Variants in SLCO1B3 observed in about 807,000 individuals in gnomAD.
SLCO1B3 encodes liver-specific organic anion transporter 2.
Under a neutral mutation model 71.8 loss-of-function variants are expected in SLCO1B3, and 72 were observed. The observed-to-expected ratio is 1.00, with a 90% CI of 0.83 to 1.22. SLCO1B3 has a LOEUF of 1.22. Ranked by LOEUF, SLCO1B3 falls within the 50% of genes most tolerant of loss-of-function variation. SLCO1B3 has a pLI of 0.00. For synonymous variants in SLCO1B3, 298 were observed against 278.4 expected (o/e 1.07, Z -0.70); for missense variants, 911 against 819.7 (o/e 1.11, Z -1.36).
intron 13 of SLCO1B3, among the ~76,000 whole-genome samples, chr12:20,885,663 C>G (rs759470165): frequency 1.8e-4 from 28 of 151,728 alleles, no homozygotes; most frequent in Non-Finnish European, 3.8e-4. Flanking sequence ...AGGAAAGGAA[C>G]AAGCTAGGCA....
chr12:20,862,207 C>G (rs979839733), intron 6 of SLCO1B3, among the ~76,000 whole-genome samples: 2 of 152,110 alleles, frequency 1.3e-5, no homozygotes, highest in African/African-American at 4.8e-5. Flanking sequence ...CAATGATCGT[C>G]TGTGTGTAGT....
chr12:20,850,685 G>A (rs368392020), intron 3 of SLCO1B3, among the ~76,000 whole-genome samples: 2 of 152,248 alleles, frequency 1.3e-5, no homozygotes, highest in East Asian at 3.9e-4. Context: ...TAGCCACAAT[G>A]TCTATTGTTC....
chr12:20,836,079 A>G (rs900110355), intron 3 of SLCO1B3, among the ~76,000 whole-genome samples: 1 of 152,178 alleles, frequency 6.6e-6, no homozygotes, highest in Non-Finnish European at 1.5e-5. Flanking sequence ...TGCACTTTAT[A>G]AAATAATCAG....
chr12:20,885,165 T>C (rs1301954923), intron 13 of SLCO1B3, among the ~76,000 whole-genome samples: 1 of 152,180 alleles, frequency 6.6e-6, no homozygotes, highest in Non-Finnish European at 1.5e-5. Context: ...TATCAGAGCA[T>C]TTATTAATTT....
chr12:20,875,577 A>G lies in SLCO1B3; in HGVS notation c.970+100A>G, dbSNP rs1052995760. On this transcript the variant is annotated intron_variant, in intron 9 of 15. Coordinates refer to ENST00000381545, the MANE Select transcript of SLCO1B3 (RefSeq NM_019844.4). The stretch of plus-strand genomic sequence containing the variant: ...AAGCATACTCAAATCATCTAGAGTC[A>G]GCTTTCTTCTCTGCTAAATTTAGCT... 8.2e-6 allele frequency: 10 copies of G among 1,226,944 alleles called. No homozygotes were observed. The Admixed American group carries it at 1.1e-4, about 13-fold the overall frequency. 76.0% of individuals were successfully genotyped at this position (1,226,944 alleles called of 1,614,324 possible).
chr12:20,856,915 A>G (rs1217855943), intron 4 of SLCO1B3, among the ~76,000 whole-genome samples: 1 of 152,182 alleles, frequency 6.6e-6, no homozygotes. Flanking sequence ...TGGTGTCTAC[A>G]GAGCATCTTA....
chr12:20,850,341 G>A (rs554313973), intron 3 of SLCO1B3, among the ~76,000 whole-genome samples: 3 of 150,928 alleles, frequency 2.0e-5, no homozygotes, highest in East Asian at 2.0e-4. Context: ...GTGCCATGGC[G>A]CATTCTCGGC....
At chr12:20,832,553 C>G (rs1333257630) in intron 3 of SLCO1B3, among the ~76,000 whole-genome samples, 2 of 152,064 alleles carry the variant, frequency 1.3e-5, no homozygotes, top group African/African-American at 4.8e-5. Flanking sequence ...CATTGTCACT[C>G]CCTTTCTGGA....
intron 3 of SLCO1B3, among the ~76,000 whole-genome samples, chr12:20,838,020 A>T (rs1210758696): frequency 6.6e-6 from 1 of 151,862 alleles, no homozygotes; most frequent in African/African-American, 2.4e-5. Context: ...TTGGGTGCAT[A>T]TATGTTAAGG....
intron 15 of SLCO1B3, among the ~76,000 whole-genome samples, chr12:20,912,940 G>T (rs562947772): frequency 6.6e-6 from 1 of 151,142 alleles, no homozygotes; most frequent in African/African-American, 2.4e-5. Flanking sequence ...GCCTCCCAAA[G>T]TGCTGGGATT....
chr12:20,834,054 G>A (rs939539277), intron 3 of SLCO1B3, among the ~76,000 whole-genome samples: 14 of 113,798 alleles, frequency 1.2e-4, no homozygotes, highest in Non-Finnish European at 2.4e-4. Context: ...TTATATGTGT[G>A]CATATATAAA....
At chr12:20,914,159 C>T (rs1373630623) in intron 15 of SLCO1B3, among the ~76,000 whole-genome samples, 1 of 152,118 alleles carries the variant, frequency 6.6e-6, no homozygotes, top group Non-Finnish European at 1.5e-5. Flanking sequence ...TTACTATTTT[C>T]TATTTGCTCT....
intron 3 of SLCO1B3, among the ~76,000 whole-genome samples, chr12:20,832,936 A>G (rs1762577331): frequency 8.4e-6 from 1 of 119,356 alleles, no homozygotes; most frequent in Non-Finnish European, 2.0e-5. Context: ...TAATGGCATA[A>G]AACAAACAAA....
chr12:20,903,433 G>C (rs768250548), intron 15 of SLCO1B3, among the ~76,000 whole-genome samples: 1 of 152,142 alleles, frequency 6.6e-6, no homozygotes, highest in Non-Finnish European at 1.5e-5. Context: ...AGCTACCTGA[G>C]ACTGGGTAAT....
chr12:20,841,146 A>T (rs1402300274), intron 3 of SLCO1B3, among the ~76,000 whole-genome samples: 1 of 151,992 alleles, frequency 6.6e-6, no homozygotes, highest in Non-Finnish European at 1.5e-5. Context: ...CTGCTCCAGG[A>T]AGCTGTTACT....
intron 12 of SLCO1B3, among the ~76,000 whole-genome samples, 197 bp downstream of exon 12, chr12:20,881,217 A>G (rs1378623762): frequency 2.6e-5 from 4 of 152,140 alleles, no homozygotes; most frequent in Admixed American, 6.5e-5. Flanking sequence ...GGACACAATC[A>G]GACTTCTCTG....
intron 2 of SLCO1B3, among the ~76,000 whole-genome samples, chr12:20,815,109 G>C (rs1226904930): frequency 6.6e-6 from 1 of 151,610 alleles, no homozygotes; most frequent in Non-Finnish European, 1.5e-5. Context: ...CTCTCTGAGA[G>C]ATACTTGGAA....
chr12:20,821,209 G>T (rs1864297379), intron 3 of SLCO1B3, among the ~76,000 whole-genome samples: 2 of 152,140 alleles, frequency 1.3e-5, no homozygotes, highest in Admixed American at 1.3e-4. Flanking sequence ...GTAAAAGAAT[G>T]CCTGGACATC....
intron 5 of SLCO1B3, among the ~76,000 whole-genome samples, chr12:20,860,734 G>A (rs1025635430): frequency 6.6e-6 from 1 of 151,734 alleles, no homozygotes; most frequent in African/African-American, 2.4e-5. Flanking sequence ...GTGAAACCAT[G>A]ATATTTCATA....
Sources: gnomAD v4.1 joint callset for allele counts (sites outside exome capture counted in the v4.1 genomes callset) on GRCh38, gnomAD v4.1.1 for gene constraint, MANE v1.5 for transcripts, NCBI Gene and HGNC (gene_info 2026-07-23, HGNC 2026-07-21) for gene names.